ST3GAL6: variants seen among roughly 807,000 people sequenced by gnomAD.
ST3GAL6 encodes ST3 beta-galactoside alpha-2,3-sialyltransferase 6, also known as type 2 lactosamine alpha-2,3-sialyltransferase.
A neutral mutation model predicts 40.5 loss-of-function variants in ST3GAL6; 31 were observed. That is an observed-to-expected ratio of 0.77 (90% CI 0.58 to 1.03). The LOEUF (loss-of-function observed/expected upper bound fraction) is 1.03, where lower values mean the gene tolerates loss of function less well. Among genes scored for constraint, ST3GAL6 ranks in the 50% least tolerant of loss-of-function variants. ST3GAL6 has a pLI of 0.00. For missense variants in ST3GAL6, 357 were observed against 393.2 expected, an observed-to-expected ratio of 0.91 and a Z score of 0.78; for synonymous variants, 129 against 136.9, an observed-to-expected ratio of 0.94 and a Z score of 0.40.
intron 5 of ST3GAL6, among the ~76,000 whole-genome samples, chr3:98,780,676 T>A (rs1471716444): frequency 6.6e-6 from 1 of 152,200 alleles, no homozygotes; most frequent in East Asian, 1.9e-4. Flanking sequence ...CCTAGACCCC[T>A]CTTTTTTCTT....
chr3:98,791,869 T>C lies in ST3GAL6; in HGVS notation c.785T>C (p.Ile262Thr), dbSNP rs929733312. 1 of 1,613,598 alleles carries C rather than the reference T, an allele frequency of 6.2e-7. No homozygotes were observed. Among genetic ancestry groups the C allele is most frequent in the Non-Finnish European group, 8.5e-7 (1 of 1,179,764 alleles). Residue 262 changes from isoleucine (I) to threonine (T), a missense_variant, in exon 9 of 10, where the codon ATT (isoleucine) becomes ACT (threonine). Ile to Thr is a moderately conservative substitution (Grantham distance 89). Coordinates refer to ENST00000483910, the MANE Select transcript of ST3GAL6 (RefSeq NM_001323368.2). ...QKPKHPTTGI[I>T]AITLAFYICH... ...CCTAAACACCCAACAACAGGAATTA[T>C]TGCCATCACATTGGCGTTTTACATA...
At chr3:98,734,012 CTG>C (rs1467593606) in intron 1 of ST3GAL6, among the ~76,000 whole-genome samples, 3 of 152,072 alleles carry the variant, frequency 2.0e-5, no homozygotes, top group African/African-American at 4.8e-5. Flanking sequence ...GTTAAGGAAA[CTG>C]TAGATCTGCT....
rs186595350 is a variant in ST3GAL6, at chr3:98,733,213, G to A, written c.-12+681G>A. 1.4e-5 allele frequency: 13 copies of A among 950,034 alleles called. No individual in the cohort carries two copies. The African/African-American group carries it at 1.9e-4, about 14-fold the overall frequency. 58.9% of individuals were successfully genotyped at this position (950,034 alleles called of 1,614,324 possible). On this transcript the variant is annotated intron_variant, in intron 1 of 9. Transcript: ENST00000265261. ...GAGGCGTAAAGGGACCATGGGCGCT[G>A]GGACCCGCGAGCCAGCCGGCGTGCG...
chr3:98,736,343 G>A (rs1044483027), intron 1 of ST3GAL6, among the ~76,000 whole-genome samples: 1 of 152,208 alleles, frequency 6.6e-6, no homozygotes, highest in Non-Finnish European at 1.5e-5. Flanking sequence ...AATGTATTTA[G>A]TGCTAGGCTT....
intron 6 of ST3GAL6, among the ~76,000 whole-genome samples, chr3:98,785,807 G>A (rs1940646014): frequency 1.3e-5 from 2 of 152,210 alleles, no homozygotes; most frequent in Non-Finnish European, 2.9e-5. Flanking sequence ...GAAATGAAGA[G>A]GCCAATTAGG....
intron 1 of ST3GAL6, among the ~76,000 whole-genome samples, chr3:98,753,172 A>T (rs889868403): frequency 1.3e-5 from 2 of 152,234 alleles, no homozygotes; most frequent in Non-Finnish European, 2.9e-5. Context: ...CAGTGAATAC[A>T]CAAATGGTAA....
intron 5 of ST3GAL6, chr3:98,782,628 G>A (rs1377021448): frequency 6.1e-6 from 2 of 325,308 alleles, no homozygotes; most frequent in African/African-American, 6.1e-5. Context: ...AACCCAGCTG[G>A]CCTCTCTTCT....
chr3:98,741,657 A>T lies in ST3GAL6; in HGVS notation c.-12+9125A>T, dbSNP rs148889021. On this transcript the variant is annotated intron_variant, in intron 1 of 9. Coordinates refer to the ST3GAL6 transcript ENST00000265261. ...AGAGGCCTATGGCTTATATATTTAT[A>T]TCTCTCTATAAGGCACTTAGGGAGG... is the stretch of plus-strand genomic sequence containing the variant. Among the ~76,000 whole-genome samples the T allele has an allele frequency of 3.5e-3, 526 of 152,276 alleles. 1 individual carries two copies. The highest frequency in any genetic ancestry group is 0.012 in the African/African-American group (494 of 41,532).
At chr3:98,741,122 GGAGA>G (rs1386698154) in intron 1 of ST3GAL6, among the ~76,000 whole-genome samples, 2 of 150,900 alleles carry the variant, frequency 1.3e-5, no homozygotes, top group African/African-American at 4.9e-5. Flanking sequence ...GTGGAGTTAG[GGAGA>G]GAAAATCTGT....
rs138485838 is a variant in ST3GAL6, at chr3:98,770,902, G to A, written c.113G>A (p.Arg38Gln). The A allele has an allele frequency of 6.1e-5, 98 of 1,613,938 alleles. 1 individual carries two copies. Among genetic ancestry groups the A allele is most frequent in the East Asian group, 5.1e-4 (23 of 44,888 alleles). Residue 38 changes from arginine to glutamine, a missense_variant, in exon 3 of 10, where the codon CGG becomes CAG. Coordinates refer to ENST00000483910, the MANE Select transcript of ST3GAL6 (RefSeq NM_001323368.2). ...VYWVAPVEMK[R>Q]RNKIQPCLSK... ...AGGGTGGCACCTGTGGAAATGAAAC[G>A]GAGAAATAAGATCCAGCCTTGTTTA...
chr3:98,779,551 T>C (rs1939876847), intron 5 of ST3GAL6, among the ~76,000 whole-genome samples: 1 of 152,194 alleles, frequency 6.6e-6, no homozygotes, highest in Non-Finnish European at 1.5e-5. Context: ...TCATTTGAAA[T>C]GGGCAACTCA....
chr3:98,734,528 C>T (rs1935357830), intron 1 of ST3GAL6, among the ~76,000 whole-genome samples: 1 of 152,082 alleles, frequency 6.6e-6, no homozygotes, highest in African/African-American at 2.4e-5. Flanking sequence ...CTTGTGATGT[C>T]GCTTTCCTTG....
intron 1 of ST3GAL6, among the ~76,000 whole-genome samples, chr3:98,753,286 C>A (rs972740186): frequency 6.6e-6 from 1 of 152,190 alleles, no homozygotes; most frequent in Non-Finnish European, 1.5e-5. Flanking sequence ...CCAAACAAGG[C>A]TCTAACTCTT....
At chr3:98,772,188 A>G (rs1356177667) in intron 3 of ST3GAL6, 1 of 152,258 alleles carries the variant, frequency 6.6e-6, no homozygotes, top group Non-Finnish European at 1.5e-5. Context: ...AGGTAGATTT[A>G]TGTTTATCAT....
intron 1 of ST3GAL6, among the ~76,000 whole-genome samples, chr3:98,755,555 T>C (rs182544193): frequency 6.6e-6 from 1 of 152,314 alleles, no homozygotes; most frequent in East Asian, 1.9e-4. Context: ...CAAGGGTTAA[T>C]GAGATATTCA....
chr3:98,782,706 G>A, intron 5 of ST3GAL6: 2 of 449,898 alleles, frequency 4.4e-6, no homozygotes, highest in Non-Finnish European at 4.3e-6. Context: ...ACTGCTGCCA[G>A]CAGGGAGGAG....
chr3:98,771,664 T>G (rs571337952), intron 3 of ST3GAL6, among the ~76,000 whole-genome samples: 43 of 152,358 alleles, frequency 2.8e-4, no homozygotes, highest in Non-Finnish European at 4.9e-4. Flanking sequence ...TTGTTATTAC[T>G]GTTTTTTAAC....
chr3:98,733,986 T>C (rs1484528481), intron 1 of ST3GAL6, among the ~76,000 whole-genome samples: 1 of 152,122 alleles, frequency 6.6e-6, no homozygotes, highest in Non-Finnish European at 1.5e-5. Flanking sequence ...AGCTGGGTGC[T>C]GTGAGTAGGT....
In ST3GAL6 at chr3:98,788,442, A is replaced by G. The variant is rs775689566; in HGVS notation, c.735A>G (p.Pro245=). 1.9e-6 allele frequency: 3 copies of G among 1,608,956 alleles called. No homozygotes were observed. The highest frequency in any genetic ancestry group is 2.2e-5 in the South Asian group (2 of 89,828). The change falls in exon 8 of 10, where the codon CCA becomes CCG. Residue 245 remains proline, a synonymous_variant. Transcript: ENST00000483910. ...CAGCTTATGAACTGCTTCATTTTCC[A>G]AAAGTGTTTCCCAAAAATCAGGTAT... is the stretch of plus-strand genomic sequence containing the variant. ...RTAAYELLHF[P]KVFPKNQKPK... is the part of the protein sequence containing the mutation.
Sources: allele counts gnomAD v4.1 joint callset (sites outside exome capture counted in the v4.1 genomes callset), GRCh38; gene constraint gnomAD v4.1.1; transcripts MANE v1.5; gene names NCBI Gene and HGNC (gene_info 2026-07-23, HGNC 2026-07-21).